Variants in FIGN observed in about 807,000 individuals in gnomAD.
FIGN encodes the protein fidgetin, microtubule severing factor.
A neutral mutation model predicts 51.3 loss-of-function variants in FIGN; 11 were observed. That is an observed-to-expected ratio of 0.21 (90% confidence interval 0.13 to 0.35). The LOEUF (loss-of-function observed/expected upper bound fraction) is 0.35, where lower values mean the gene tolerates loss of function less well. FIGN is among the 10% of genes least tolerant of loss of function. The probability of loss-of-function intolerance (pLI) is 1.00; values close to 1 mark genes in which losing one functional copy is unlikely to be tolerated. For synonymous variants in FIGN, 407 were observed against 363.2 expected (o/e 1.12, Z -1.37); for missense variants, 857 against 943.6 (o/e 0.91, Z 1.20).
chr2:163,628,427 G>T (rs891828586), intron 2 of FIGN, among the ~76,000 whole-genome samples: 5 of 152,164 alleles, frequency 3.3e-5, no homozygotes, highest in African/African-American at 4.8e-5. Context: ...TAGAAGATAG[G>T]ACAGAAGTAT....
intron 2 of FIGN, among the ~76,000 whole-genome samples, chr2:163,727,973 G>C (rs1684864376): frequency 6.6e-6 from 1 of 152,192 alleles, no homozygotes. Context: ...TTCAGGGAGA[G>C]GGAGGTTATT....
intron 2 of FIGN, among the ~76,000 whole-genome samples, chr2:163,684,937 C>T (rs996299406): frequency 5.9e-5 from 8 of 136,240 alleles, no homozygotes; most frequent in Middle Eastern, 7.5e-3. Context: ...CCATGCCTGG[C>T]TATTTTTTTT....
intron 2 of FIGN, among the ~76,000 whole-genome samples, chr2:163,636,951 C>T (rs143642374): frequency 0.033 from 5,080 of 152,074 alleles, 141 homozygotes; most frequent in East Asian, 0.15. Flanking sequence ...TGGTGGCAGG[C>T]GCCTGTAGTC....
At position 163,657,821 on chromosome 2, in the gene FIGN, T is replaced by C. The variant is rs139869311; in HGVS notation, c.26-46015A>G. ...ATGGTATAGTGCACAATGTATTCAATTTGAGATTCTGAAAATTTTAGATAT... is the reference window on the plus strand; with the variant it reads ...ATGGTATAGTGCACAATGTATTCAACTTGAGATTCTGAAAATTTTAGATAT... On this transcript the variant is annotated intron_variant, in intron 2 of 2. Coordinates refer to ENST00000333129, the MANE Select transcript of FIGN (RefSeq NM_018086.4). Among the ~76,000 whole-genome samples, 466 of 152,206 alleles carry C rather than the reference T, an allele frequency of 3.1e-3. 1 individual carries two copies. The highest frequency in any genetic ancestry group is 0.011 in the African/African-American group (441 of 41,524).
chr2:163,656,424 C>T (rs1457375327), intron 2 of FIGN, among the ~76,000 whole-genome samples: 1 of 152,104 alleles, frequency 6.6e-6, no homozygotes, highest in Non-Finnish European at 1.5e-5. Context: ...GAGCATAAAA[C>T]TTGAACAGCT....
In FIGN at chr2:163,697,100, C is replaced by A. The variant is rs201939922; in HGVS notation, c.25+37803G>T. On this transcript the variant is annotated intron_variant, in intron 2 of 2. Transcript: ENST00000333129. The stretch of plus-strand genomic sequence containing the variant: ...GTCATAATTTTTTTTCTTTTCTTTT[C>A]TTTCTTTTTTTTTTTTTTTTGAGAC... 1.8e-5 allele frequency among the ~76,000 whole-genome samples: 2 copies of A among 108,430 alleles called. 1 individual carries two copies. Among genetic ancestry groups the A allele is most frequent in the African/African-American group, 7.4e-5 (2 of 26,874 alleles). 71.1% of individuals were successfully genotyped at this position (108,430 alleles called of 152,430 possible).
chr2:163,621,418 A>G (rs1157882392), intron 2 of FIGN, among the ~76,000 whole-genome samples: 3 of 152,188 alleles, frequency 2.0e-5, no homozygotes, highest in Non-Finnish European at 4.4e-5. Context: ...ACCTGTGTAT[A>G]ATTTAGTCCA....
At chr2:163,705,244 C>T (rs1008634299) in intron 2 of FIGN, among the ~76,000 whole-genome samples, 1 of 152,184 alleles carries the variant, frequency 6.6e-6, no homozygotes, top group South Asian at 2.1e-4. Context: ...GGACCACTCT[C>T]CTAGAGGGTA....
intron 2 of FIGN, among the ~76,000 whole-genome samples, chr2:163,659,769 C>T (rs1476655639): frequency 6.6e-6 from 1 of 151,874 alleles, no homozygotes; most frequent in Non-Finnish European, 1.5e-5. Context: ...TTCTTCTTCC[C>T]CTGAAGTGGT....
rs1489695054 is a variant in FIGN, at chr2:163,608,584, C to G, written c.*968G>C. 6.6e-6 allele frequency: 1 copy of G among 152,228 alleles called. No individual in the cohort carries two copies. The highest frequency in any genetic ancestry group is 1.5e-5 in the Non-Finnish European group (1 of 68,132). The allele number at this position is 152,228 out of a possible 1,614,324, so 9.4% of individuals were successfully genotyped here. On this transcript the variant is annotated 3_prime_UTR_variant, in exon 3 of 3. Transcript: ENST00000333129. ...AAGTAGCTTTCAATTAACCAGTGTA[C>G]CTTTTAAGAACATTTTCACTTAATT...
chr2:163,611,140 G>A lies in FIGN; in HGVS notation c.692C>T (p.Ala231Val), dbSNP rs1691246014. 1 of 1,614,020 alleles carries A rather than the reference G, an allele frequency of 6.2e-7. No individual in the cohort carries two copies. Among genetic ancestry groups the A allele is most frequent in the South Asian group, 1.1e-5 (1 of 91,082 alleles). ...AGTCCCATTGTAGCCTGGGACCAAG[G>A]CTGGTGGCGGAGGAGGTGGTGGTGG... ...QPPPPPPPPP[A>V]LVPGYNGTSN... Residue 231 changes from alanine (A) to valine (V), a missense_variant, in exon 3 of 3, where the codon GCC becomes GTC. Ala to Val is a moderately conservative substitution (Grantham distance 64, BLOSUM62 0). This residue lies in a region of FIGN where 799 missense variants were observed against 849.5 expected (regional missense o/e 0.94). Transcript: ENST00000333129.
At chr2:163,662,012 G>C (rs1683693200) in intron 2 of FIGN, among the ~76,000 whole-genome samples, 4 of 152,202 alleles carry the variant, frequency 2.6e-5, no homozygotes, top group Admixed American at 2.6e-4. Context: ...ATGTGGAAGT[G>C]ACTTTGGAAC....
At chr2:163,620,468 C>A (rs1167978470) in intron 2 of FIGN, among the ~76,000 whole-genome samples, 2 of 152,056 alleles carry the variant, frequency 1.3e-5, no homozygotes, top group African/African-American at 4.8e-5. Context: ...GTGTAAATAA[C>A]AGGTGAGCTG....
chr2:163,716,440 T>C (rs530257826), intron 2 of FIGN, among the ~76,000 whole-genome samples: 38 of 152,298 alleles, frequency 2.5e-4, no homozygotes, highest in African/African-American at 8.7e-4. Context: ...TATAAAACAT[T>C]TACTAGCAAT....
intron 2 of FIGN, among the ~76,000 whole-genome samples, chr2:163,658,425 G>C (rs574271238): frequency 4.7e-4 from 70 of 150,026 alleles, no homozygotes; most frequent in Non-Finnish European, 8.6e-4. Context: ...TAGTCTGTTT[G>C]TGTTGGTATA....
At chr2:163,643,258 A>G (rs1187997306) in intron 2 of FIGN, among the ~76,000 whole-genome samples, 1 of 152,230 alleles carries the variant, frequency 6.6e-6, no homozygotes, top group Non-Finnish European at 1.5e-5. Context: ...CTACCAGAAC[A>G]TGAAGACTTC....
At chr2:163,667,664 A>C (rs1202634416) in intron 2 of FIGN, among the ~76,000 whole-genome samples, 1 of 152,156 alleles carries the variant, frequency 6.6e-6, no homozygotes, top group East Asian at 1.9e-4. Flanking sequence ...GTCTTTTAAA[A>C]CCCAAATAAT....
intron 2 of FIGN, among the ~76,000 whole-genome samples, chr2:163,709,244 T>G (rs1242423347): frequency 6.6e-6 from 1 of 152,160 alleles, no homozygotes; most frequent in East Asian, 1.9e-4. Flanking sequence ...ACACTCTTTT[T>G]GAGGTGGAAG....
intron 2 of FIGN, among the ~76,000 whole-genome samples, chr2:163,673,742 G>C (rs1482983219): frequency 6.6e-6 from 1 of 152,172 alleles, no homozygotes; most frequent in Admixed American, 6.5e-5. Flanking sequence ...ACACAGTGTA[G>C]TGTGGTGGTA....
Sources: gnomAD v4.1 joint callset for allele counts (sites outside exome capture counted in the v4.1 genomes callset) on GRCh38, gnomAD v4.1.1 for gene constraint, gnomAD v4.1.1 regional missense constraint, MANE v1.5 for transcripts, NCBI Gene and HGNC (gene_info 2026-07-23, HGNC 2026-07-21) for gene names.